ADGRL3: variants seen among roughly 807,000 people sequenced by gnomAD.
ADGRL3 encodes the protein calcium-independent alpha-latrotoxin receptor 3.
Under a neutral mutation model 153.5 loss-of-function variants are expected in ADGRL3, and 62 were observed. The observed-to-expected ratio is 0.40, with a 90% confidence interval of 0.33 to 0.50. ADGRL3 has a LOEUF of 0.50. Ranked by LOEUF, ADGRL3 falls within the 20% of genes least tolerant of loss-of-function variation. ADGRL3 has a pLI of 0.47. For missense variants in ADGRL3, 1,641 were observed against 1,859.4 expected, an observed-to-expected ratio of 0.88 and a Z score of 2.16; for synonymous variants, 710 against 672.5, an observed-to-expected ratio of 1.06 and a Z score of -0.86.
intron 9 of ADGRL3, among the ~76,000 whole-genome samples, chr4:61,824,040 C>T (rs374727781): frequency 2.7e-5 from 4 of 148,094 alleles, no homozygotes; most frequent in East Asian, 2.0e-4. Context: ...CCAGTCTGGG[C>T]GACAGAGCGA....
chr4:61,535,534 T>A (rs2098650310), intron 4 of ADGRL3, among the ~76,000 whole-genome samples: 3 of 152,130 alleles, frequency 2.0e-5, no homozygotes, highest in Non-Finnish European at 4.4e-5. Context: ...TTTGTACATC[T>A]GGTAGAATTC....
chr4:61,300,787 A>G (rs1202576631), intron 1 of ADGRL3, among the ~76,000 whole-genome samples: 2 of 139,800 alleles, frequency 1.4e-5, no homozygotes, highest in Non-Finnish European at 3.1e-5. Context: ...TTTTTTTGAG[A>G]CAGAGTCTCG....
At chr4:61,621,094 T>G (rs1316199710) in intron 5 of ADGRL3, among the ~76,000 whole-genome samples, 1 of 152,334 alleles carries the variant, frequency 6.6e-6, no homozygotes, top group Non-Finnish European at 1.5e-5. Context: ...TTTAGAGGAC[T>G]TACCTTATGG....
At chr4:61,496,768 C>T (rs547000859) in intron 2 of ADGRL3, among the ~76,000 whole-genome samples, 1 of 151,942 alleles carries the variant, frequency 6.6e-6, no homozygotes, top group South Asian at 2.1e-4. Context: ...GGTGAAACCC[C>T]ATCTCTACTA....
intron 2 of ADGRL3, among the ~76,000 whole-genome samples, chr4:61,495,332 T>G (rs2098301794): frequency 1.3e-5 from 2 of 152,258 alleles, no homozygotes; most frequent in South Asian, 2.1e-4. Context: ...AGTAAACAAT[T>G]TTGAATATCC....
At chr4:61,774,811 A>G (rs540718598) in intron 8 of ADGRL3, among the ~76,000 whole-genome samples, 6 of 152,284 alleles carry the variant, frequency 3.9e-5, no homozygotes, top group Non-Finnish European at 8.8e-5. Context: ...GTGTGTATGT[A>G]TGGGGAAAAA....
chr4:61,834,762 A>G (rs1581061797), intron 9 of ADGRL3, among the ~76,000 whole-genome samples: 4 of 152,178 alleles, frequency 2.6e-5, no homozygotes. Flanking sequence ...AGGCATTAGT[A>G]CTTACATCCA....
In ADGRL3 at chr4:61,954,184, CT is replaced by C; in HGVS notation, c.2805+5909del. ...AAGTCTTCTCCATTTTAGTAAAAGG[CT>C]ACTCTGTTCTTTCAGATGCTCTGGT... On this transcript the variant is annotated intron_variant, in intron 17 of 26. Transcript: ENST00000683033. Among the ~76,000 whole-genome samples, 3 of 152,172 alleles carry C rather than the reference CT, an allele frequency of 2.0e-5. No homozygotes were observed. In the South Asian group the frequency reaches 6.2e-4, roughly 32 times the overall value.
chr4:61,239,002 T>C (rs1753892945), intron 1 of ADGRL3, among the ~76,000 whole-genome samples: 1 of 152,178 alleles, frequency 6.6e-6, no homozygotes, highest in Non-Finnish European at 1.5e-5. Context: ...GGGCATTATG[T>C]AAGTTTCTAC....
intron 1 of ADGRL3, among the ~76,000 whole-genome samples, chr4:61,302,953 A>T (rs1560449425): frequency 6.6e-6 from 1 of 152,142 alleles, no homozygotes; most frequent in Admixed American, 6.6e-5. Flanking sequence ...ACTTCACCTC[A>T]TCGGGCTTGG....
chr4:61,878,725 T>C (rs1298277153), intron 9 of ADGRL3, among the ~76,000 whole-genome samples: 1 of 152,162 alleles, frequency 6.6e-6, no homozygotes, highest in African/African-American at 2.4e-5. Context: ...GCTCAAGACA[T>C]TGAGAGTTGT....
chr4:61,911,965 T>C (rs556631494), intron 12 of ADGRL3, among the ~76,000 whole-genome samples: 1 of 152,312 alleles, frequency 6.6e-6, no homozygotes, highest in Non-Finnish European at 1.5e-5. Context: ...TAATGTTTGG[T>C]GTGTAACAGG....
At chr4:61,283,017 C>G (rs994456316) in intron 1 of ADGRL3, among the ~76,000 whole-genome samples, 2 of 151,976 alleles carry the variant, frequency 1.3e-5, no homozygotes, top group African/African-American at 4.8e-5. Flanking sequence ...GGATATCAAG[C>G]CTTTTTTATT....
In ADGRL3 at chr4:62,076,321, A is replaced by G. The variant is rs1747135281; in HGVS notation, c.*5413A>G. On this transcript the variant is annotated 3_prime_UTR_variant, in exon 27 of 27. Transcript: ENST00000683033. ...TTGATAATTTGTGTCCCGTTACAGTATTTCAAAGGTAAATGCAAACTAATT... is the reference window on the plus strand; with the variant it reads ...TTGATAATTTGTGTCCCGTTACAGTGTTTCAAAGGTAAATGCAAACTAATT... The G allele has an allele frequency of 1.3e-5, 2 of 152,114 alleles. No homozygotes were observed. Among genetic ancestry groups the G allele is most frequent in the African/African-American group, 4.8e-5 (2 of 41,458 alleles). 9.4% of individuals were successfully genotyped at this position (152,114 alleles called of 1,614,324 possible).
intron 8 of ADGRL3, among the ~76,000 whole-genome samples, chr4:61,783,028 C>A (rs1309504268): frequency 6.6e-6 from 1 of 152,154 alleles, no homozygotes; most frequent in East Asian, 1.9e-4. Flanking sequence ...CCAGGCTCCA[C>A]TGACTAGACC....
intron 3 of ADGRL3, among the ~76,000 whole-genome samples, chr4:61,512,639 G>A (rs1183571410): frequency 1.3e-5 from 2 of 152,072 alleles, no homozygotes; most frequent in East Asian, 1.9e-4. Flanking sequence ...AAGATTTTGA[G>A]TATGTTTTAG....
chr4:61,775,697 G>C (rs926869752), intron 8 of ADGRL3: 34 of 1,427,288 alleles, frequency 2.4e-5, no homozygotes, highest in Non-Finnish European at 3.0e-5. Flanking sequence ...TTGGATGCAA[G>C]CACACAAAGG....
chr4:61,571,603 C>T (rs2098839286), intron 4 of ADGRL3, among the ~76,000 whole-genome samples: 1 of 152,096 alleles, frequency 6.6e-6, no homozygotes, highest in African/African-American at 2.4e-5. Flanking sequence ...CCTGTGTCTA[C>T]TTAAGGCCCC....
chr4:61,668,095 A>G (rs1421465924), intron 5 of ADGRL3, among the ~76,000 whole-genome samples: 2 of 152,180 alleles, frequency 1.3e-5, no homozygotes, highest in Admixed American at 6.5e-5. Flanking sequence ...ATGAAACTTT[A>G]TGGCTTTTGA....
Sources: allele counts gnomAD v4.1 joint callset (sites outside exome capture counted in the v4.1 genomes callset), GRCh38; gene constraint gnomAD v4.1.1; transcripts MANE v1.5; gene names NCBI Gene and HGNC (gene_info 2026-07-23, HGNC 2026-07-21).